The following ROBO1 variants were observed in gnomAD, a reference collection of about 807,000 sequenced individuals.
ROBO1 encodes the protein roundabout homolog 1.
Under a neutral mutation model 195.9 loss-of-function variants are expected in ROBO1, and 149 were observed. The ratio of observed to expected loss-of-function variants is 0.76; its 90% CI spans 0.67 to 0.87. The LOEUF (loss-of-function observed/expected upper bound fraction) is 0.87. Ranked by LOEUF, ROBO1 falls within the 40% of genes least tolerant of loss-of-function variation. The pLI, the probability that ROBO1 is intolerant of heterozygous loss-of-function variation, is 0.00. For missense variants in ROBO1, 1,933 were observed against 2,068.3 expected (o/e 0.93, Z 1.27); for synonymous variants, 816 against 733.2 (o/e 1.11, Z -1.82).
At chr3:78,970,920 T>C (rs185580217) in intron 3 of ROBO1, among the ~76,000 whole-genome samples, 130 of 150,842 alleles carry the variant, frequency 8.6e-4, no homozygotes, top group African/African-American at 3.0e-3. Context: ...TTATTGTTAG[T>C]ATAGATTGCA....
chr3:79,181,499 G>C (rs1045834784), intron 2 of ROBO1, among the ~76,000 whole-genome samples: 2 of 152,128 alleles, frequency 1.3e-5, no homozygotes, highest in African/African-American at 4.8e-5. Flanking sequence ...TACTTATCCT[G>C]TGAAATCTAG....
In ROBO1 at chr3:78,943,609, T is replaced by A. The variant is rs181674719; in HGVS notation, c.173-4682A>T. Among the ~76,000 whole-genome samples the A allele has an allele frequency of 7.1e-4, 108 of 152,356 alleles. 3 individuals are homozygous for A. The South Asian group carries it at 0.022, about 30-fold the overall frequency. ...TCAGGGTGATTAGTCTGCTAAGGCA[T>A]ACTATGATGTACAAGAAGAGGGGTA... On this transcript the variant is annotated intron_variant, in intron 3 of 30. Coordinates refer to ENST00000464233, the MANE Select transcript of ROBO1 (RefSeq NM_002941.4).
intron 2 of ROBO1, among the ~76,000 whole-genome samples, chr3:79,578,448 A>T (rs1028541888): frequency 1.2e-4 from 18 of 152,192 alleles, no homozygotes; most frequent in Admixed American, 1.0e-3. Flanking sequence ...GTCAATTTTT[A>T]TTATATCCAC....
At chr3:79,530,878 C>T (rs746550911) in intron 2 of ROBO1, among the ~76,000 whole-genome samples, 1 of 151,786 alleles carries the variant, frequency 6.6e-6, no homozygotes, top group Non-Finnish European at 1.5e-5. Context: ...TAAGACCCTG[C>T]ATGATCTGTC....
rs183850400 is a variant in ROBO1, at chr3:78,652,117, C to A, written c.2615-188G>T. Among the ~76,000 whole-genome samples the A allele has an allele frequency of 3.3e-5, 5 of 152,258 alleles. No homozygotes were observed. In the East Asian group the frequency reaches 9.6e-4, roughly 29 times the overall value. ...CAAAATTGGACAATTTTATTTATTT[C>A]TTTCAACTCAAAGCAAGTGTGACAA... is the stretch of plus-strand genomic sequence containing the variant. On this transcript the variant is annotated intron_variant, in intron 18 of 30. Coordinates refer to ENST00000464233, the MANE Select transcript of ROBO1 (RefSeq NM_002941.4).
chr3:79,045,077 A>G (rs2078565376), intron 3 of ROBO1, among the ~76,000 whole-genome samples: 1 of 152,054 alleles, frequency 6.6e-6, no homozygotes, highest in Non-Finnish European at 1.5e-5. Context: ...AAGACCATGA[A>G]GCGCTATGGA....
intron 3 of ROBO1, among the ~76,000 whole-genome samples, chr3:79,114,377 T>G (rs569401986): frequency 2.6e-5 from 4 of 152,196 alleles, no homozygotes; most frequent in Non-Finnish European, 4.4e-5. Context: ...CTCCAGTAAA[T>G]GAACAATACT....
chr3:79,725,773 A>G (rs1380786978), intron 1 of ROBO1, among the ~76,000 whole-genome samples: 1 of 152,156 alleles, frequency 6.6e-6, no homozygotes, highest in Non-Finnish European at 1.5e-5. Context: ...TTTACTGATA[A>G]GCTTGCTAAA....
At chr3:78,621,912 T>C (rs1704480188) in intron 26 of ROBO1, among the ~76,000 whole-genome samples, 2 of 152,216 alleles carry the variant, frequency 1.3e-5, no homozygotes, top group African/African-American at 4.8e-5. Flanking sequence ...TTTGAGATTT[T>C]GTTCTAACAC....
At chr3:79,373,341 A>T (rs1474923409) in intron 2 of ROBO1, among the ~76,000 whole-genome samples, 1 of 151,836 alleles carries the variant, frequency 6.6e-6, no homozygotes, top group Non-Finnish European at 1.5e-5. Flanking sequence ...TCTACCCATT[A>T]TTCCTTCACT....
At chr3:78,790,344 G>A (rs1197539028) in intron 4 of ROBO1, among the ~76,000 whole-genome samples, 1 of 151,794 alleles carries the variant, frequency 6.6e-6, no homozygotes, top group Non-Finnish European at 1.5e-5. Flanking sequence ...ATACATAGTA[G>A]GTACATATAT....
At chr3:79,444,356 G>A (rs1223912098) in intron 2 of ROBO1, among the ~76,000 whole-genome samples, 1 of 151,770 alleles carries the variant, frequency 6.6e-6, no homozygotes, top group Admixed American at 6.6e-5. Flanking sequence ...ATCCAAAATG[G>A]CTCCAATAAT....
intron 2 of ROBO1, among the ~76,000 whole-genome samples, chr3:79,348,629 A>G (rs192015054): frequency 6.6e-6 from 1 of 152,336 alleles, no homozygotes; most frequent in African/African-American, 2.4e-5. Context: ...GCTGCACATT[A>G]AATAATAAAT....
At chr3:79,750,499 A>G (rs1354339973) in intron 1 of ROBO1, among the ~76,000 whole-genome samples, 1 of 152,184 alleles carries the variant, frequency 6.6e-6, no homozygotes, top group African/African-American at 2.4e-5. Flanking sequence ...GTCCCCACCC[A>G]AATCTCAACA....
intron 4 of ROBO1, among the ~76,000 whole-genome samples, chr3:78,772,431 G>A (rs778654575): frequency 9.2e-5 from 14 of 152,058 alleles, no homozygotes; most frequent in East Asian, 3.9e-4. Flanking sequence ...GTAAAAGGAC[G>A]TAACTAAAAA....
At chr3:78,995,280 C>T (rs2108086380) in intron 3 of ROBO1, among the ~76,000 whole-genome samples, 1 of 152,206 alleles carries the variant, frequency 6.6e-6, no homozygotes, top group Non-Finnish European at 1.5e-5. Flanking sequence ...TTCAGGAATG[C>T]TACATTGCAC....
chr3:79,185,661 C>T (rs1340899283), intron 2 of ROBO1, among the ~76,000 whole-genome samples: 2 of 152,046 alleles, frequency 1.3e-5, no homozygotes, highest in Admixed American at 6.6e-5. Context: ...CAATAAAGAC[C>T]TATGTAACTT....
rs117109069 is a variant in ROBO1 at position 78,944,234 on chromosome 3, T to C, written c.173-5307A>G. ...TCCAACTATTCCATAAATACTGCTA[T>C]GGTTAATTAGTTAAAATCCATAGAG... On this transcript the variant is annotated intron_variant, in intron 3 of 30. Transcript: ENST00000464233. 2.4e-3 allele frequency among the ~76,000 whole-genome samples: 365 copies of C among 152,340 alleles called. 9 individuals carry two copies. The East Asian group carries it at 0.051, about 21-fold the overall frequency.
chr3:79,623,952 G>A (rs1048739903), intron 1 of ROBO1, among the ~76,000 whole-genome samples: 1 of 152,064 alleles, frequency 6.6e-6, no homozygotes, highest in African/African-American at 2.4e-5. Context: ...AGAGAGAAAG[G>A]CCTGGTCACC....
Sources: gnomAD v4.1 joint callset for allele counts (sites outside exome capture counted in the v4.1 genomes callset) on GRCh38, gnomAD v4.1.1 for gene constraint, MANE v1.5 for transcripts, NCBI Gene and HGNC (gene_info 2026-07-23, HGNC 2026-07-21) for gene names.